The following RYR3 variants were observed in gnomAD, a reference collection of about 807,000 sequenced individuals.
RYR3 encodes ryanodine receptor 3, also known as brain ryanodine receptor-calcium release channel.
In RYR3, 207 loss-of-function variants were observed where a neutral mutation model predicts 584.3. That is an observed-to-expected ratio of 0.35 (90% CI 0.32 to 0.40). The LOEUF (loss-of-function observed/expected upper bound fraction) is 0.40, where lower values mean the gene tolerates loss of function less well. Among genes scored for constraint, RYR3 ranks in the 10% least tolerant of loss-of-function variants. The pLI, the probability that RYR3 is intolerant of heterozygous loss-of-function variation, is 1.00. For missense variants in RYR3, 5,616 were observed against 6,089.2 expected (o/e 0.92, Z 2.59); for synonymous variants, 2,416 against 2,248.5 (o/e 1.07, Z -2.11).
At chr15:33,852,912 T>C in intron 94 of RYR3, 133 bp from the exon 95 acceptor site, 2 of 736,848 alleles carry the variant, frequency 2.7e-6, no homozygotes, top group Non-Finnish European at 4.6e-6. Context: ...TTCAATCAGA[T>C]CTTAAAATTC....
intron 1 of RYR3, among the ~76,000 whole-genome samples, chr15:33,407,948 G>A (rs1052707562): frequency 6.6e-6 from 1 of 151,804 alleles, no homozygotes; most frequent in African/African-American, 2.4e-5. Context: ...GTACAGCATT[G>A]CTTGAGGATA....
intron 1 of RYR3, among the ~76,000 whole-genome samples, chr15:33,437,400 G>A (rs978037131): frequency 1.3e-5 from 2 of 152,238 alleles, no homozygotes; most frequent in African/African-American, 4.8e-5. Context: ...AAGTCAGGAA[G>A]AAGAGGAGAA....
chr15:33,511,809 C>T (rs946619479), intron 3 of RYR3, among the ~76,000 whole-genome samples: 51 of 152,244 alleles, frequency 3.3e-4, no homozygotes, highest in African/African-American at 1.1e-3. Flanking sequence ...GACGGAGTCT[C>T]GCTCTGTCGC....
At chr15:33,837,067 C>G in intron 88 of RYR3, 80 bp downstream of exon 88, 2 of 1,176,546 alleles carry the variant, frequency 1.7e-6, no homozygotes, top group Non-Finnish European at 2.5e-6. Context: ...TGCAGATTAT[C>G]CTTCTGGCAG....
At position 33,636,613 on chromosome 15, in the gene RYR3, T is replaced by C. The variant is rs991529582; in HGVS notation, c.3556+63T>C. 2.2e-6 allele frequency: 3 copies of C among 1,392,160 alleles called. No individual in the cohort carries two copies. The East Asian group carries it at 6.9e-5, about 32-fold the overall frequency. 86.2% of individuals were successfully genotyped at this position (1,392,160 alleles called of 1,614,324 possible). A position where few individuals can be genotyped will look rare whatever the true frequency, so the allele number is the denominator to read the frequency against. ...GGCTGGAGGAAAATATAGGGAGAGCTGAGCGACCTGCTCTACTTCCTTATT... is the reference window on the plus strand; with the variant it reads ...GGCTGGAGGAAAATATAGGGAGAGCCGAGCGACCTGCTCTACTTCCTTATT... On this transcript the variant is annotated intron_variant, in intron 27 of 103. Coordinates refer to ENST00000634891, the MANE Select transcript of RYR3 (RefSeq NM_001036.6).
At chr15:33,315,956 G>GT (rs1217853699) in intron 1 of RYR3, among the ~76,000 whole-genome samples, 1 of 152,208 alleles carries the variant, frequency 6.6e-6, no homozygotes, top group Non-Finnish European at 1.5e-5. Context: ...GTTGAAGAAT[G>GT]TGTGTCTGAC....
chr15:33,602,731 G>GTTTTTTTTTTTTTTT, intron 17 of RYR3, among the ~76,000 whole-genome samples: 1 of 88,022 alleles, frequency 1.1e-5, no homozygotes. Flanking sequence ...GCTTTTTCTA[G>GTTTTTTTTTTTTTTT]TCTTTTTTTT....
intron 2 of RYR3, among the ~76,000 whole-genome samples, chr15:33,487,653 G>A (rs1436977622): frequency 1.3e-5 from 2 of 152,142 alleles, no homozygotes; most frequent in African/African-American, 4.8e-5. Flanking sequence ...ACCATGGTGG[G>A]CACTATGCAT....
intron 86 of RYR3, among the ~76,000 whole-genome samples, chr15:33,831,386 A>T (rs2077665623): frequency 6.6e-6 from 1 of 152,228 alleles, no homozygotes; most frequent in African/African-American, 2.4e-5. Flanking sequence ...AAAATGTCTT[A>T]CTCAAAACTC....
At chr15:33,684,046 CTG>C (rs2064820107) in intron 38 of RYR3, among the ~76,000 whole-genome samples, 1 of 152,280 alleles carries the variant, frequency 6.6e-6, no homozygotes, top group African/African-American at 2.4e-5. Context: ...CACTCCACCT[CTG>C]TGAGCAGGGC....
intron 19 of RYR3, among the ~76,000 whole-genome samples, chr15:33,621,619 A>G (rs893052976): frequency 1.3e-5 from 2 of 152,164 alleles, no homozygotes; most frequent in African/African-American, 2.4e-5. Flanking sequence ...ACAAGGGACA[A>G]TTGTGATTCT....
intron 32 of RYR3, among the ~76,000 whole-genome samples, chr15:33,659,480 A>G (rs1264692094): frequency 1.3e-5 from 2 of 152,236 alleles, no homozygotes; most frequent in Non-Finnish European, 2.9e-5. Flanking sequence ...CAGGTATCTG[A>G]GAGAAAAAAT....
chr15:33,810,337 C>T, intron 70 of RYR3, 142 bp from the exon 71 acceptor site: 1 of 737,228 alleles, frequency 1.4e-6, no homozygotes, highest in Non-Finnish European at 2.2e-6. Context: ...GTTCAACACA[C>T]TCTTTTCACT....
At position 33,854,413 on chromosome 15, in the gene RYR3, C is replaced by G; in HGVS notation, c.13824C>G (p.Tyr4608Ter). The G allele has an allele frequency of 6.3e-7, 1 of 1,575,312 alleles. No individual in the cohort carries two copies. The highest frequency in any genetic ancestry group is 8.6e-7 in the Non-Finnish European group (1 of 1,159,116). ...VSWLSSIDMK[Y>*]HIWKLGVVFT... ...GGCTAAGTTCCATAGACATGAAGTACCATATCTGGAAGCTTGGAGTTGTTT... is the reference window on the plus strand; with the variant it reads ...GGCTAAGTTCCATAGACATGAAGTAGCATATCTGGAAGCTTGGAGTTGTTT... Residue 4608 changes from tyrosine to a stop codon, truncating the protein, a stop_gained, in exon 97 of 104, where the codon TAC becomes TAG. Transcript: ENST00000634891. LOFTEE classifies it high-confidence loss of function.
chr15:33,529,270 C>CT (rs2054645876), intron 3 of RYR3, among the ~76,000 whole-genome samples: 1 of 152,156 alleles, frequency 6.6e-6, no homozygotes, highest in Non-Finnish European at 1.5e-5. Flanking sequence ...TAGTTACCGG[C>CT]TTTTTTGGAA....
chr15:33,844,141 T>C (rs1182682459), intron 92 of RYR3, among the ~76,000 whole-genome samples: 1 of 152,218 alleles, frequency 6.6e-6, no homozygotes, highest in Non-Finnish European at 1.5e-5. Flanking sequence ...ATCTCTTGCC[T>C]ATCTCCCTTT....
rs768081700 is a variant in RYR3, at chr15:33,548,172, G to A, written c.783G>A (p.Arg261=). 4 of 1,612,626 alleles carry A rather than the reference G, an allele frequency of 2.5e-6. No individual in the cohort carries two copies. The South Asian group carries it at 4.4e-5, about 18-fold the overall frequency. The change falls in exon 9 of 104, where the codon AGG becomes AGA. Residue 261 remains arginine, a synonymous_variant. Coordinates refer to ENST00000634891, the MANE Select transcript of RYR3 (RefSeq NM_001036.6). ...CTGGGGGAGCTGGGACTCGAGCCAGGTCTCTTTGGAGAGTGGAACCCCTTC... is the reference window on the plus strand; with the variant it reads ...CTGGGGGAGCTGGGACTCGAGCCAGATCTCTTTGGAGAGTGGAACCCCTTC... The part of the protein sequence containing the change: ...YEAGGAGTRA[R]SLWRVEPLRI...
rs766033525 is a variant in RYR3 at position 33,613,185 on chromosome 15, C to T, written c.2167C>T (p.Arg723Trp). 5.8e-5 allele frequency: 94 copies of T among 1,612,778 alleles called. 3 individuals are homozygous for T. The South Asian group carries it at 9.8e-4, about 17-fold the overall frequency. Residue 723 changes from arginine to tryptophan, a missense_variant and splice_region_variant, in exon 19 of 104, where the codon CGG (arginine) becomes TGG (tryptophan). Physicochemically the swap from Arg to Trp is moderately radical, Grantham distance 101. Coordinates refer to ENST00000634891, the MANE Select transcript of RYR3 (RefSeq NM_001036.6). Reference protein sequence around the residue: ...GFDGLHLWSGRIPRAVASINQ... With the variant: ...GFDGLHLWSGWIPRAVASINQ... ...TCTTCCTGTTCTTTCCTCACCAGGC[C>T]GGATACCCAGAGCTGTGGCTTCCAT...
intron 48 of RYR3, among the ~76,000 whole-genome samples, chr15:33,734,331 G>T (rs1489873894): frequency 6.6e-6 from 1 of 152,112 alleles, no homozygotes; most frequent in Admixed American, 6.5e-5. Flanking sequence ...AATTAATAAG[G>T]TACCTAGGTT....
Sources: allele counts gnomAD v4.1 joint callset (sites outside exome capture counted in the v4.1 genomes callset), GRCh38; gene constraint gnomAD v4.1.1; transcripts MANE v1.5; gene names NCBI Gene and HGNC (gene_info 2026-07-23, HGNC 2026-07-21).